Variants in PDSS2 observed in about 807,000 individuals in gnomAD.
PDSS2 encodes the protein decaprenyl diphosphate synthase subunit 2.
Under a neutral mutation model 44.5 loss-of-function variants are expected in PDSS2, and 31 were observed. The ratio of observed to expected loss-of-function variants is 0.70; its 90% CI spans 0.52 to 0.94. The LOEUF (loss-of-function observed/expected upper bound fraction) is 0.94, where lower values mean the gene tolerates loss of function less well. PDSS2 is among the 40% of genes least tolerant of loss of function. The pLI is 0.00. For missense variants in PDSS2, 452 were observed against 482.2 expected (o/e 0.94, Z 0.59); for synonymous variants, 157 against 180.3 (o/e 0.87, Z 1.03).
intron 1 of PDSS2, among the ~76,000 whole-genome samples, chr6:107,400,434 A>G (rs1018668445): frequency 1.6e-4 from 25 of 152,118 alleles, no homozygotes; most frequent in African/African-American, 5.6e-4. Context: ...TAGGCCCCCA[A>G]TTCCCTCTTT....
intron 1 of PDSS2, among the ~76,000 whole-genome samples, chr6:107,394,759 T>TTCATACA (rs1287055336): frequency 6.6e-6 from 1 of 152,218 alleles, no homozygotes; most frequent in African/African-American, 2.4e-5. Context: ...TTTTCATACA[T>TTCATACA]TTTACTACCT....
chr6:107,194,855 G>T (rs1212387441), intron 6 of PDSS2, among the ~76,000 whole-genome samples: 2 of 152,068 alleles, frequency 1.3e-5, no homozygotes, highest in African/African-American at 4.8e-5. Context: ...GAAGGCTGAG[G>T]AGACAAGAAA....
chr6:107,217,563 C>A (rs74748590), intron 4 of PDSS2, among the ~76,000 whole-genome samples: 1 of 151,598 alleles, frequency 6.6e-6, no homozygotes, highest in African/African-American at 2.4e-5. Context: ...AAAAAAAAAA[C>A]TCTCAGCTTC....
chr6:107,402,369 C>T (rs59193177), intron 1 of PDSS2, among the ~76,000 whole-genome samples: 3 of 136,888 alleles, frequency 2.2e-5, no homozygotes, highest in South Asian at 2.4e-4. Flanking sequence ...AACAATCAAA[C>T]GTATAAATCA....
intron 7 of PDSS2, among the ~76,000 whole-genome samples, chr6:107,179,693 C>T (rs1771907758): frequency 6.6e-6 from 1 of 152,176 alleles, no homozygotes; most frequent in Non-Finnish European, 1.5e-5. Context: ...ATGATCTCTA[C>T]TGTTACCTAA....
chr6:107,312,118 G>A lies in PDSS2; in HGVS notation c.431+22080C>T, dbSNP rs143939032. Among the ~76,000 whole-genome samples, 337 of 152,296 alleles carry A rather than the reference G, an allele frequency of 2.2e-3. 1 individual carries two copies. Among genetic ancestry groups the A allele is most frequent in the South Asian group, 0.01 (49 of 4,824 alleles). The stretch of plus-strand genomic sequence containing the variant: ...GAGGAAATAGCACAGTGCATGCAGC[G>A]TATTGCCAGTATTTGGCATTTGCTG... On this transcript the variant is annotated intron_variant, in intron 2 of 7. Transcript: ENST00000369037.
chr6:107,337,039 C>CCCCA (rs368006550), intron 1 of PDSS2, among the ~76,000 whole-genome samples: 2 of 141,498 alleles, frequency 1.4e-5, no homozygotes, highest in African/African-American at 5.4e-5. Context: ...CTTTCACATA[C>CCCCA]CACACACACA....
chr6:107,185,133 A>G (rs1335737564), intron 7 of PDSS2, among the ~76,000 whole-genome samples: 1 of 151,246 alleles, frequency 6.6e-6, no homozygotes, highest in Non-Finnish European at 1.5e-5. Context: ...TAAAAAAAAA[A>G]AAAAAAAAAA....
At chr6:107,242,552 T>C (rs780885278) in intron 4 of PDSS2, among the ~76,000 whole-genome samples, 3 of 152,144 alleles carry the variant, frequency 2.0e-5, no homozygotes, top group Non-Finnish European at 4.4e-5. Context: ...CCAAAAATTA[T>C]TATTTTTTAA....
At chr6:107,419,423 G>T (rs1261280511) in intron 1 of PDSS2, among the ~76,000 whole-genome samples, 1 of 152,054 alleles carries the variant, frequency 6.6e-6, no homozygotes, top group Non-Finnish European at 1.5e-5. Flanking sequence ...GAGATATAGT[G>T]CTCCAAGAAA....
chr6:107,227,914 G>A (rs1209621325), intron 4 of PDSS2, among the ~76,000 whole-genome samples: 2 of 152,252 alleles, frequency 1.3e-5, no homozygotes, highest in East Asian at 1.9e-4. Context: ...CCAGAGCCCA[G>A]CAGTGACCCA....
intron 1 of PDSS2, among the ~76,000 whole-genome samples, chr6:107,395,778 T>C (rs575899878): frequency 6.6e-6 from 1 of 152,232 alleles, no homozygotes; most frequent in South Asian, 2.1e-4. Flanking sequence ...TTTTGAGCTA[T>C]GTTTCTCTGC....
intron 4 of PDSS2, chr6:107,229,963 A>G (rs1773981668): frequency 4.7e-6 from 1 of 214,298 alleles, no homozygotes; most frequent in Non-Finnish European, 9.9e-6. Context: ...CGGCAAGAAA[A>G]CTGGCTTTGG....
chr6:107,326,963 G>T (rs530418067), intron 2 of PDSS2, among the ~76,000 whole-genome samples: 1 of 152,092 alleles, frequency 6.6e-6, no homozygotes, highest in Admixed American at 6.5e-5. Flanking sequence ...AAATGCCAAC[G>T]ATGACTTTAC....
intron 1 of PDSS2, among the ~76,000 whole-genome samples, chr6:107,396,685 T>TC (rs1189409876): frequency 2.1e-5 from 3 of 141,070 alleles, no homozygotes; most frequent in Non-Finnish European, 4.6e-5. Context: ...TTTCTTTTTT[T>TC]TTTTTTTTTT....
chr6:107,279,988 A>T (rs991843437), intron 2 of PDSS2, among the ~76,000 whole-genome samples: 1 of 152,210 alleles, frequency 6.6e-6, no homozygotes, highest in African/African-American at 2.4e-5. Context: ...CTGGATTTTT[A>T]AAAAATTATC....
Position 107,181,147 on chromosome 6 carries a change from A to G in PDSS2, c.1041+12675T>C, listed in dbSNP as rs368307909. ...GGTGTGAGCCACCACACCCAGCCAC[A>G]TATAATATTTTAAACCAAGCATCAA... On this transcript the variant is annotated intron_variant, in intron 7 of 7. Transcript: ENST00000369037. Among the ~76,000 whole-genome samples, 4 of 152,340 alleles carry G rather than the reference A, an allele frequency of 2.6e-5. No homozygotes were observed. The East Asian group carries it at 5.8e-4, about 22-fold the overall frequency.
At chr6:107,309,141 G>A (rs1254235577) in intron 2 of PDSS2, among the ~76,000 whole-genome samples, 1 of 152,196 alleles carries the variant, frequency 6.6e-6, no homozygotes, top group Non-Finnish European at 1.5e-5. Flanking sequence ...AAAGAAATAT[G>A]AGTTAACAGT....
intron 1 of PDSS2, among the ~76,000 whole-genome samples, chr6:107,427,095 T>G (rs1278509457): frequency 6.6e-6 from 1 of 152,228 alleles, no homozygotes. Context: ...TCTTGAATTC[T>G]AGCTCCCATA....
Sources: gnomAD v4.1 joint callset for allele counts (sites outside exome capture counted in the v4.1 genomes callset) on GRCh38, gnomAD v4.1.1 for gene constraint, MANE v1.5 for transcripts, NCBI Gene and HGNC (gene_info 2026-07-23, HGNC 2026-07-21) for gene names.